Variants in CDH23 observed in about 807,000 individuals in gnomAD.
CDH23 encodes the protein cadherin-23.
In CDH23, 189 loss-of-function variants were observed where a neutral mutation model predicts 317.1. That is an observed-to-expected ratio of 0.60 (90% CI 0.53 to 0.67). The LOEUF (loss-of-function observed/expected upper bound fraction) is 0.67. CDH23 is among the 30% of genes least tolerant of loss of function. The pLI is 0.00. For synonymous variants in CDH23, 1,839 were observed against 1,876.8 expected (o/e 0.98, Z 0.52); for missense variants, 4,401 against 4,592.4 (o/e 0.96, Z 1.20).
chr10:71,543,598 T>A (rs1167860561), intron 6 of CDH23, among the ~76,000 whole-genome samples: 3 of 152,230 alleles, frequency 2.0e-5, no homozygotes, highest in Non-Finnish European at 2.9e-5. Context: ...TTTTTTTCCA[T>A]CAGCAATCTG....
Position 71,705,010 on chromosome 10 carries a change from G to A in CDH23, c.2833G>A (p.Gly945Ser), listed in dbSNP as rs760043975. The A allele has an allele frequency of 2.1e-5, 34 of 1,612,638 alleles. No homozygotes were observed. Among genetic ancestry groups the A allele is most frequent in the Admixed American group, 1.2e-4 (7 of 60,008 alleles). ...RMDFLINSSS[G>S]VVVTTTELDR... ...GGACTTCCTCATCAACAGCAGCAGCGGCGTGGTGGTCACCACCACCGAGCT... is the reference window on the plus strand; with the variant it reads ...GGACTTCCTCATCAACAGCAGCAGCAGCGTGGTGGTCACCACCACCGAGCT... Residue 945 changes from glycine to serine, a missense_variant, in exon 25 of 70, where the codon GGC (glycine) becomes AGC (serine). By Grantham distance (56) the Gly-to-Ser change is moderately conservative. This residue lies in a region of CDH23 where 3,068 missense variants were observed against 3,203.3 expected (regional missense o/e 0.96). Transcript: ENST00000224721.
At chr10:71,462,261 C>T (rs1026982837) in intron 3 of CDH23, among the ~76,000 whole-genome samples, 1 of 152,254 alleles carries the variant, frequency 6.6e-6, no homozygotes, top group Non-Finnish European at 1.5e-5. Context: ...AGTGGTGGTG[C>T]AGCAGTGGAC....
intron 9 of CDH23, among the ~76,000 whole-genome samples, chr10:71,584,118 G>C (rs1427915944): frequency 6.6e-6 from 1 of 152,214 alleles, no homozygotes; most frequent in African/African-American, 2.4e-5. Context: ...AGGAGCGTGT[G>C]TTCTCAATGG....
chr10:71,446,027 T>C (rs553100209), intron 2 of CDH23, among the ~76,000 whole-genome samples: 2 of 152,350 alleles, frequency 1.3e-5, no homozygotes, highest in East Asian at 3.9e-4. Context: ...CTAAATCCTG[T>C]CTTTTGCCTG....
chr10:71,705,805 G>A (rs901121513), intron 25 of CDH23, among the ~76,000 whole-genome samples: 16 of 152,100 alleles, frequency 1.1e-4, no homozygotes, highest in Non-Finnish European at 2.2e-4. Flanking sequence ...AGTTTAGCAG[G>A]CAAGACATGG....
intron 19 of CDH23, among the ~76,000 whole-genome samples, chr10:71,688,976 G>GGGTGGTGGAGCCAAC (rs1865049926): frequency 1.2e-4 from 1 of 8,628 alleles, no homozygotes; most frequent in East Asian, 3.8e-3. Flanking sequence ...TGGAGTCCAG[G>GGGTGGTGGAGCCAAC]GGTGGTGGAG....
intron 14 of CDH23, among the ~76,000 whole-genome samples, chr10:71,666,391 A>G (rs1863895618): frequency 1.3e-5 from 2 of 151,926 alleles, no homozygotes; most frequent in South Asian, 4.2e-4. Context: ...AATGGGAGCC[A>G]TTTTCCTTCA....
At chr10:71,764,135 C>G (rs2132895154) in intron 38 of CDH23, among the ~76,000 whole-genome samples, 1 of 152,264 alleles carries the variant, frequency 6.6e-6, no homozygotes, top group African/African-American at 2.4e-5. Flanking sequence ...TTCCAAAGTT[C>G]CAGAGGGTAT....
intron 6 of CDH23, among the ~76,000 whole-genome samples, chr10:71,542,645 A>G (rs1352853232): frequency 6.6e-6 from 1 of 152,206 alleles, no homozygotes; most frequent in African/African-American, 2.4e-5. Flanking sequence ...GGCCGAGAAG[A>G]TAAGGCCAGC....
At chr10:71,536,643 C>G (rs1855718820) in intron 6 of CDH23, among the ~76,000 whole-genome samples, 1 of 152,102 alleles carries the variant, frequency 6.6e-6, no homozygotes, top group Non-Finnish European at 1.5e-5. Context: ...GGGTTGAAGA[C>G]AGTGGACAAT....
rs959637634 is a variant in CDH23, at chr10:71,806,408, C to T, written c.8178+127C>T. On this transcript the variant is annotated intron_variant, in intron 57 of 69. Transcript: ENST00000224721. The stretch of plus-strand genomic sequence containing the variant: ...CTAGACACGGAAACATGTCTGCATG[C>T]ACTTCATGCAAGAACAACTATTTAT... The T allele has an allele frequency of 7.4e-6, 5 of 676,704 alleles. No homozygotes were observed. The African/African-American group carries it at 8.8e-5, about 12-fold the overall frequency. The allele number at this position is 676,704 out of a possible 1,614,324, so 41.9% of individuals were successfully genotyped here.
rs1554874900 is a variant in CDH23, at chr10:71,793,641, G to A, written c.6712+1G>A. The stretch of plus-strand genomic sequence containing the variant: ...GCCTTTGCTGTGAATATCAACACAG[G>A]TACAAGGGCCTGCACCCCTCCCACC... On this transcript the variant is annotated splice_donor_variant, in intron 48 of 69. Coordinates refer to ENST00000224721, the MANE Select transcript of CDH23 (RefSeq NM_022124.6). LOFTEE classifies it high-confidence loss of function. 5.7e-6 allele frequency: 9 copies of A among 1,572,446 alleles called. No individual in the cohort carries two copies. Among genetic ancestry groups the A allele is most frequent in the South Asian group, 1.2e-5 (1 of 83,580 alleles).
chr10:71,665,435 TTG>T (rs1462929796), intron 14 of CDH23, among the ~76,000 whole-genome samples: 1 of 152,160 alleles, frequency 6.6e-6, no homozygotes, highest in Non-Finnish European at 1.5e-5. Flanking sequence ...TGCAAGTGCT[TTG>T]CAAATGTAGA....
In CDH23 at chr10:71,813,275, A is replaced by C. The variant is rs1842003776; in HGVS notation, c.9665A>C (p.Tyr3222Ser). The C allele has an allele frequency of 6.4e-7, 1 of 1,551,430 alleles. No homozygotes were observed. Among genetic ancestry groups the C allele is most frequent in the Admixed American group, 2.0e-5 (1 of 50,968 alleles). The change falls in exon 69 of 70, where the codon TAC (tyrosine) becomes TCC (serine). Residue 3222 changes from tyrosine to serine, a missense_variant. This residue lies in a region of CDH23 where 1,144 missense variants were observed against 1,138.2 expected (regional missense o/e 1.01). Transcript: ENST00000224721. The stretch of plus-strand genomic sequence containing the variant: ...CTGCTGAAGGTGGTCCTGGAGGATT[A>C]CCTGCGGCTCAAAAAGCTCTTTGCA... ...GSLLKVVLED[Y>S]LRLKKLFAQR... is the part of the protein sequence containing the mutation.
At chr10:71,520,836 G>T (rs944239639) in intron 6 of CDH23, among the ~76,000 whole-genome samples, 3 of 152,162 alleles carry the variant, frequency 2.0e-5, no homozygotes, top group Non-Finnish European at 2.9e-5. Context: ...GACAGGCCTG[G>T]CAGCCCCTGT....
Position 71,807,261 on chromosome 10 carries a change from C to T in CDH23, c.8179-16C>T. ...TTCCCTTGGCCCCATGTGATGACATCCCCCTCCCTCTGCAGAAAGGCAGCC... is the reference window on the plus strand; with the variant it reads ...TTCCCTTGGCCCCATGTGATGACATTCCCCTCCCTCTGCAGAAAGGCAGCC... On this transcript the variant is annotated splice_polypyrimidine_tract_variant and intron_variant, in intron 57 of 69. Transcript: ENST00000224721. 3.1e-6 allele frequency: 5 copies of T among 1,611,116 alleles called. No individual in the cohort carries two copies. Among genetic ancestry groups the T allele is most frequent in the African/African-American group, 1.3e-5 (1 of 74,992 alleles).
chr10:71,808,113 G>A, intron 60 of CDH23, 106 bp downstream of exon 60: 1 of 1,389,998 alleles, frequency 7.2e-7, no homozygotes, highest in South Asian at 1.3e-5. Flanking sequence ...ACAGGATATG[G>A]GTGGCCCCCC....
chr10:71,477,383 G>T (rs1851848555), intron 3 of CDH23, among the ~76,000 whole-genome samples: 1 of 152,144 alleles, frequency 6.6e-6, no homozygotes, highest in African/African-American at 2.4e-5. Flanking sequence ...TGGCCAGGCT[G>T]GTCTCAAACT....
rs1303315578 is a variant in CDH23 at position 71,798,399 on chromosome 10, A to G, written c.6875A>G (p.Gln2292Arg). The G allele has an allele frequency of 1.2e-6, 2 of 1,613,974 alleles. No individual in the cohort carries two copies. Among genetic ancestry groups the G allele is most frequent in the South Asian group, 2.2e-5 (2 of 91,088 alleles). ...NVLDVNDNTP[Q>R]FKPFGITYYM... ...CTGGACGTCAATGACAATACGCCCC[A>G]GTTCAAGCCCTTTGGGATCACCTAC... is the stretch of plus-strand genomic sequence containing the variant. Residue 2292 changes from glutamine (Q) to arginine (R), a missense_variant, in exon 50 of 70, where the codon CAG becomes CGG. Around this residue, in one of 3 missense-constraint regions of CDH23, gnomAD observed 3,068 missense variants for 3,203.3 expected, o/e 0.96. Coordinates refer to ENST00000224721, the MANE Select transcript of CDH23 (RefSeq NM_022124.6).
Sources: allele counts gnomAD v4.1 joint callset (sites outside exome capture counted in the v4.1 genomes callset), GRCh38; gene constraint gnomAD v4.1.1; regional missense constraint gnomAD v4.1.1; transcripts MANE v1.5; gene names NCBI Gene and HGNC (gene_info 2026-07-23, HGNC 2026-07-21).